Variants in NDUFA10 observed in about 807,000 individuals in gnomAD.
NDUFA10 encodes NADH:ubiquinone oxidoreductase subunit A10.
In NDUFA10, 40 loss-of-function variants were observed where a neutral mutation model predicts 47.8. That is an observed-to-expected ratio of 0.84 (90% CI 0.65 to 1.09). The LOEUF is 1.09. Among genes scored for constraint, NDUFA10 ranks in the 50% least tolerant of loss-of-function variants. The pLI is 0.00. For synonymous variants in NDUFA10, 183 were observed against 172.2 expected, an observed-to-expected ratio of 1.06 and a Z score of -0.49; for missense variants, 413 against 451.1, an observed-to-expected ratio of 0.92 and a Z score of 0.76.
intron 3 of NDUFA10, among the ~76,000 whole-genome samples, chr2:240,020,328 C>T (rs777024243): frequency 1.3e-5 from 2 of 152,172 alleles, no homozygotes; most frequent in Non-Finnish European, 2.9e-5. Flanking sequence ...GACACGAAGG[C>T]CCTAAGAGTC....
chr2:239,967,979 TACACACACAC>T (rs61166045), intron 9 of NDUFA10, among the ~76,000 whole-genome samples: 18 of 147,476 alleles, frequency 1.2e-4, no homozygotes, highest in Non-Finnish European at 2.2e-4. Flanking sequence ...GAAAAAAATA[TACACACACAC>T]ACACACACAC....
At chr2:239,910,296 C>G (rs1574771164) in intron 4 of NDUFA10, among the ~76,000 whole-genome samples, 1 of 152,238 alleles carries the variant, frequency 6.6e-6, no homozygotes, top group South Asian at 2.1e-4. Context: ...TTCACAATAG[C>G]AAAAACATGG....
chr2:239,910,721 A>T (rs890785776), intron 4 of NDUFA10, among the ~76,000 whole-genome samples: 1 of 151,614 alleles, frequency 6.6e-6, no homozygotes, highest in Non-Finnish European at 1.5e-5. Flanking sequence ...ACTCAAAATG[A>T]AAGTGGAAGA....
chr2:239,971,444 C>T (rs1695302752), intron 9 of NDUFA10, among the ~76,000 whole-genome samples: 1 of 152,232 alleles, frequency 6.6e-6, no homozygotes, highest in Non-Finnish European at 1.5e-5. Flanking sequence ...TGAAATAATG[C>T]CCCTTCCTTC....
At chr2:239,973,208 TTAAG>T (rs201182828) in intron 9 of NDUFA10, among the ~76,000 whole-genome samples, 1,717 of 152,290 alleles carry the variant, frequency 0.011, 22 homozygotes, top group Non-Finnish European at 0.015. Context: ...TCAAACTTAA[TTAAG>T]TAACTTATAA....
At position 239,983,477 on chromosome 2, in the gene NDUFA10, T is replaced by G. The variant is rs141504563; in HGVS notation, c.999+6597A>C. ...TTTTTTAATATCAAGCAACCGAATT[T>G]CCTTAAACAAAATCCTCTAAACAGT... On this transcript the variant is annotated intron_variant, in intron 9 of 9. Coordinates refer to ENST00000252711, the MANE Select transcript of NDUFA10 (RefSeq NM_004544.4). 2.0e-4 allele frequency: 304 copies of G among 1,546,304 alleles called. No homozygotes were observed. The East Asian group carries it at 6.2e-3, about 31-fold the overall frequency.
At chr2:240,018,376 G>A (rs1697454393) in intron 4 of NDUFA10, 177 bp downstream of exon 4, 2 of 1,527,552 alleles carry the variant, frequency 1.3e-6, no homozygotes, top group Non-Finnish European at 1.8e-6. Flanking sequence ...TTTCAGGAGG[G>A]AGAAAGGGTG....
intron 9 of NDUFA10, among the ~76,000 whole-genome samples, chr2:239,962,486 G>T (rs1392771293): frequency 6.6e-6 from 1 of 152,100 alleles, no homozygotes; most frequent in East Asian, 1.9e-4. Context: ...CTCACACACA[G>T]GACAGGCAAA....
At chr2:240,024,432 G>C (rs1350678505) in intron 1 of NDUFA10, among the ~76,000 whole-genome samples, 1 of 152,204 alleles carries the variant, frequency 6.6e-6, no homozygotes, top group Non-Finnish European at 1.5e-5. Context: ...ATGTTAATGA[G>C]ATCTGTGGTT....
chr2:239,993,475 G>C (rs1696337272), intron 8 of NDUFA10, among the ~76,000 whole-genome samples: 1 of 152,216 alleles, frequency 6.6e-6, no homozygotes, highest in African/African-American at 2.4e-5. Context: ...GGTGGAAGAA[G>C]GGCCTGGCAG....
chr2:240,017,554 A>G (rs1574895409), intron 4 of NDUFA10, among the ~76,000 whole-genome samples: 2 of 151,588 alleles, frequency 1.3e-5, no homozygotes, highest in Admixed American at 6.6e-5. Flanking sequence ...ACAGCCCCCA[A>G]CCCCGGGCCC....
chr2:239,985,456 T>C (rs988386115), intron 9 of NDUFA10, among the ~76,000 whole-genome samples: 6 of 148,728 alleles, frequency 4.0e-5, no homozygotes, highest in African/African-American at 1.5e-4. Context: ...GAAGAACACA[T>C]CTAGGCTGAT....
At chr2:239,972,119 A>G (rs1279964265) in intron 9 of NDUFA10, among the ~76,000 whole-genome samples, 1 of 150,276 alleles carries the variant, frequency 6.7e-6, no homozygotes, top group Non-Finnish European at 1.5e-5. Context: ...TTCCCAGCTG[A>G]AAGAGTTTTC....
intron 4 of NDUFA10, among the ~76,000 whole-genome samples, chr2:239,921,444 T>G (rs1278647870): frequency 6.6e-6 from 1 of 152,156 alleles, no homozygotes; most frequent in Non-Finnish European, 1.5e-5. Context: ...CTGCCCATGT[T>G]CCATTTCTGT....
At chr2:239,961,457 G>C (rs1254549149) in intron 9 of NDUFA10, among the ~76,000 whole-genome samples, 2 of 152,194 alleles carry the variant, frequency 1.3e-5, no homozygotes, top group Admixed American at 1.3e-4. Context: ...TTAATGTCAG[G>C]AGGGTGACAA....
At chr2:239,965,179 CATTA>C (rs1695008754) in intron 9 of NDUFA10, among the ~76,000 whole-genome samples, 1 of 152,066 alleles carries the variant, frequency 6.6e-6, no homozygotes, top group Non-Finnish European at 1.5e-5. Flanking sequence ...AGCCAGTGGC[CATTA>C]ATTGTCTCGG....
At chr2:239,900,521 A>T (rs1028854883) in intron 4 of NDUFA10, among the ~76,000 whole-genome samples, 1 of 151,796 alleles carries the variant, frequency 6.6e-6, no homozygotes, top group Non-Finnish European at 1.5e-5. Context: ...CCCCTGCTAT[A>T]GCAAGCTCTG....
chr2:239,908,355 C>G (rs1693692943), intron 4 of NDUFA10, among the ~76,000 whole-genome samples: 1 of 152,208 alleles, frequency 6.6e-6, no homozygotes, highest in Non-Finnish European at 1.5e-5. Context: ...ACGTAACAAA[C>G]CTGCACATTG....
chr2:239,922,693 G>A (rs1191849391), intron 4 of NDUFA10, among the ~76,000 whole-genome samples: 7 of 152,204 alleles, frequency 4.6e-5, no homozygotes, highest in African/African-American at 1.7e-4. Flanking sequence ...TGATATGACA[G>A]CTATGATTCC....
Sources: gnomAD v4.1 joint callset for allele counts (sites outside exome capture counted in the v4.1 genomes callset) on GRCh38, gnomAD v4.1.1 for gene constraint, MANE v1.5 for transcripts, NCBI Gene and HGNC (gene_info 2026-07-23, HGNC 2026-07-21) for gene names.